Variants in ADGRV1 observed in about 807,000 individuals in gnomAD.
The protein encoded by ADGRV1 is adhesion G protein-coupled receptor V1, also known as G-protein coupled receptor 98.
Under a neutral mutation model 596.2 loss-of-function variants are expected in ADGRV1, and 359 were observed. That is an observed-to-expected ratio of 0.60 (90% CI 0.55 to 0.66). The LOEUF is 0.66. Ranked by LOEUF, ADGRV1 falls within the 30% of genes least tolerant of loss-of-function variation. The probability of loss-of-function intolerance (pLI) is 0.00; values close to 1 mark genes in which losing one functional copy is unlikely to be tolerated. For missense variants in ADGRV1, 7,274 were observed against 7,575.6 expected (o/e 0.96, Z 1.48); for synonymous variants, 2,681 against 2,679.2 (o/e 1.00, Z -0.02).
chr5:90,794,462 CA>C (rs1383367005), intron 70 of ADGRV1, among the ~76,000 whole-genome samples: 1 of 152,130 alleles, frequency 6.6e-6, no homozygotes, highest in South Asian at 2.1e-4. Context: ...GTGGCTGGGT[CA>C]TTTATTGAGC....
chr5:91,051,579 C>T lies in ADGRV1; in HGVS notation c.18153-20868C>T, dbSNP rs150558026. Among the ~76,000 whole-genome samples the T allele has an allele frequency of 4.5e-3, 593 of 131,356 alleles. 7 individuals carry two copies. Among genetic ancestry groups the T allele is most frequent in the African/African-American group, 0.016 (560 of 34,546 alleles). The allele number at this position is 131,356 out of a possible 152,430, so 86.2% of individuals were successfully genotyped here. A position where few individuals can be genotyped will look rare whatever the true frequency, so the allele number is the denominator to read the frequency against. On this transcript the variant is annotated intron_variant, in intron 85 of 89. Coordinates refer to ENST00000405460, the MANE Select transcript of ADGRV1 (RefSeq NM_032119.4). ...TTTTTTTTTTTGAGGAAGAGTCTCA[C>T]TCTGTCGCCCAGGCTGGAGTGCAGT...
chr5:90,993,453 T>G (rs1409704634), intron 85 of ADGRV1, among the ~76,000 whole-genome samples: 1 of 152,058 alleles, frequency 6.6e-6, no homozygotes, highest in African/African-American at 2.4e-5. Flanking sequence ...CACCATGCTG[T>G]GCCGGTTTTC....
intron 1 of ADGRV1, among the ~76,000 whole-genome samples, chr5:90,574,213 A>G (rs1395155226): frequency 6.6e-6 from 1 of 151,314 alleles, no homozygotes; most frequent in African/African-American, 2.4e-5. Context: ...TGGTAGTTTG[A>G]TAGGAATCGC....
chr5:90,960,145 A>AC (rs1396007602), intron 83 of ADGRV1, among the ~76,000 whole-genome samples: 1 of 118,396 alleles, frequency 8.4e-6, no homozygotes, highest in Non-Finnish European at 1.6e-5. Context: ...CTCAAAAAAA[A>AC]AAAAAAAACA....
chr5:91,140,030 C>A (rs1488897400), intron 87 of ADGRV1, among the ~76,000 whole-genome samples: 1 of 152,224 alleles, frequency 6.6e-6, no homozygotes, highest in Admixed American at 6.5e-5. Context: ...CCTGAGCACT[C>A]AGCTTTTTTT....
intron 82 of ADGRV1, among the ~76,000 whole-genome samples, chr5:90,857,292 T>C (rs1288131616): frequency 1.3e-5 from 2 of 152,154 alleles, no homozygotes; most frequent in East Asian, 1.9e-4. Flanking sequence ...AATGTTGAAA[T>C]ACAATCTAGA....
chr5:91,117,157 AT>A (rs1792918791), intron 87 of ADGRV1, among the ~76,000 whole-genome samples: 1 of 152,326 alleles, frequency 6.6e-6, no homozygotes, highest in Admixed American at 6.5e-5. Context: ...AGTATTCCTC[AT>A]AGCACAATTG....
At chr5:90,604,456 GA>G (rs1439014161) in intron 1 of ADGRV1, among the ~76,000 whole-genome samples, 1 of 151,568 alleles carries the variant, frequency 6.6e-6, no homozygotes, top group Non-Finnish European at 1.5e-5. Flanking sequence ...TGAATTTCAG[GA>G]GAAAAAAAAA....
At chr5:90,693,845 C>T in intron 32 of ADGRV1, 45 bp from the exon 33 acceptor site, 1 of 1,396,046 alleles carries the variant, frequency 7.2e-7, no homozygotes, top group Non-Finnish European at 9.6e-7. Flanking sequence ...TTTGTAATTA[C>T]TTTGAGTGCT....
chr5:90,946,968 G>A (rs1043090079), intron 83 of ADGRV1, among the ~76,000 whole-genome samples: 10 of 152,192 alleles, frequency 6.6e-5, no homozygotes, highest in Admixed American at 6.5e-4. Flanking sequence ...ATATTCCTAT[G>A]GATATATACC....
At chr5:90,947,555 A>G (rs1428012982) in intron 83 of ADGRV1, among the ~76,000 whole-genome samples, 1 of 152,112 alleles carries the variant, frequency 6.6e-6, no homozygotes, top group Non-Finnish European at 1.5e-5. Flanking sequence ...GAAGAAGTTG[A>G]AACGAAAATA....
At position 91,081,997 on chromosome 5, in the gene ADGRV1, T is replaced by C. The variant is rs773434888; in HGVS notation, c.18310+9393T>C. ...TGATGAGAGAGGAGACGGAATAGAA[T>C]TGAAACTAATTTCCATCTTGATACC... On this transcript the variant is annotated intron_variant, in intron 86 of 89. Transcript: ENST00000405460. Among the ~76,000 whole-genome samples, 143 of 152,268 alleles carry C rather than the reference T, an allele frequency of 9.4e-4. 2 individuals are homozygous for C. Among genetic ancestry groups the C allele is most frequent in the Non-Finnish European group, 1.2e-3 (85 of 68,018 alleles).
At chr5:90,653,158 T>G in intron 19 of ADGRV1, 51 bp from the exon 20 acceptor site, 1 of 1,473,204 alleles carries the variant, frequency 6.8e-7, no homozygotes, top group Non-Finnish European at 9.1e-7. Flanking sequence ...CACATTATAC[T>G]AGAAAGTACT....
At chr5:90,818,809 C>T (rs1388703987) in intron 75 of ADGRV1, among the ~76,000 whole-genome samples, 3 of 151,296 alleles carry the variant, frequency 2.0e-5, no homozygotes, top group South Asian at 4.2e-4. Context: ...CTGCTGGATT[C>T]GTTTTGCCAG....
At chr5:90,726,659 G>GTT (rs1236370544) in intron 48 of ADGRV1, among the ~76,000 whole-genome samples, 1 of 150,972 alleles carries the variant, frequency 6.6e-6, no homozygotes, top group East Asian at 2.1e-4. Flanking sequence ...GGGTATGTGT[G>GTT]TGTGTGTGTG....
Position 90,774,310 on chromosome 5 carries a change from G to C in ADGRV1, c.12403+7G>C. On this transcript the variant is annotated splice_region_variant and intron_variant, in intron 60 of 89. Coordinates refer to ENST00000405460, the MANE Select transcript of ADGRV1 (RefSeq NM_032119.4). ...GAAATATCTCCAGTAAAAGGTAAGA[G>C]AAATTCACATTTTTGGAAATTAAAA... The C allele has an allele frequency of 7.0e-7, 1 of 1,436,760 alleles. No individual in the cohort carries two copies. Among genetic ancestry groups the C allele is most frequent in the Non-Finnish European group, 9.8e-7 (1 of 1,020,050 alleles). 89.0% of individuals were successfully genotyped at this position (1,436,760 alleles called of 1,614,324 possible).
chr5:90,854,028 A>G, intron 80 of ADGRV1, 34 bp from the exon 81 acceptor site: 1 of 1,504,718 alleles, frequency 6.6e-7, no homozygotes. Context: ...CCAATTGTAA[A>G]ACATCATTAT....
At chr5:91,105,951 A>G (rs953109967) in intron 87 of ADGRV1, among the ~76,000 whole-genome samples, 1 of 150,826 alleles carries the variant, frequency 6.6e-6, no homozygotes, top group Non-Finnish European at 1.5e-5. Flanking sequence ...TAAACCTTTT[A>G]TTTATATTTA....
chr5:90,877,737 C>CT (rs1009481276), intron 83 of ADGRV1, among the ~76,000 whole-genome samples: 6 of 150,986 alleles, frequency 4.0e-5, no homozygotes, highest in Middle Eastern at 3.4e-3. Flanking sequence ...AATGCTTTTT[C>CT]TTTTTTTTAA....
Sources: gnomAD v4.1 joint callset for allele counts (sites outside exome capture counted in the v4.1 genomes callset) on GRCh38, gnomAD v4.1.1 for gene constraint, MANE v1.5 for transcripts, NCBI Gene and HGNC (gene_info 2026-07-23, HGNC 2026-07-21) for gene names.